Variants in PHF11 observed in about 807,000 individuals in gnomAD.
PHF11 encodes the protein BRCA1 C-terminus-associated protein.
A neutral mutation model predicts 40.5 loss-of-function variants in PHF11; 38 were observed. The observed-to-expected ratio is 0.94, with a 90% confidence interval of 0.72 to 1.23. The LOEUF is 1.23. Ranked by LOEUF, PHF11 falls within the 50% of genes most tolerant of loss-of-function variation. The pLI, the probability that PHF11 is intolerant of heterozygous loss-of-function variation, is 0.00. For synonymous variants in PHF11, 127 were observed against 138.2 expected (o/e 0.92, Z 0.57); for missense variants, 369 against 392.4 (o/e 0.94, Z 0.50).
At chr13:49,501,401 G>A (rs1958906338) in intron 1 of PHF11, among the ~76,000 whole-genome samples, 1 of 152,120 alleles carries the variant, frequency 6.6e-6, no homozygotes, top group African/African-American at 2.4e-5. Context: ...TATCAAAGTA[G>A]ATTTTGGGTC....
chr13:49,511,397 G>T (rs1222587602), intron 2 of PHF11, among the ~76,000 whole-genome samples: 1 of 145,714 alleles, frequency 6.9e-6, no homozygotes, highest in Non-Finnish European at 1.5e-5. Context: ...CGCGATCTCG[G>T]CTCACTGCAC....
At chr13:49,526,611 C>G (rs1458065100) in intron 9 of PHF11, among the ~76,000 whole-genome samples, 153 bp downstream of exon 9, 2 of 132,040 alleles carry the variant, frequency 1.5e-5, no homozygotes, top group Admixed American at 8.1e-5. Flanking sequence ...CAGTATGACC[C>G]CGCCCACCTG....
intron 3 of PHF11, 135 bp from the exon 4 acceptor site, chr13:49,517,883 G>A: frequency 8.6e-6 from 5 of 581,180 alleles, no homozygotes; most frequent in South Asian, 7.6e-5. Context: ...TGTTTGTAAC[G>A]GGATGGAATC....
At chr13:49,515,016 C>A (rs1490922859) in intron 3 of PHF11, among the ~76,000 whole-genome samples, 1 of 152,050 alleles carries the variant, frequency 6.6e-6, no homozygotes, top group Non-Finnish European at 1.5e-5. Flanking sequence ...ATTCTAGTAG[C>A]CATCCAGTTA....
intron 1 of PHF11, among the ~76,000 whole-genome samples, chr13:49,498,655 C>T (rs976598703): frequency 3.0e-4 from 45 of 152,278 alleles, no homozygotes; most frequent in African/African-American, 1.1e-3. Flanking sequence ...TAACGTAATA[C>T]ATTTCAGATA....
intron 2 of PHF11, 37 bp downstream of exon 2, chr13:49,506,793 T>C (rs1566188487): frequency 1.3e-6 from 2 of 1,517,422 alleles, no homozygotes; most frequent in African/African-American, 1.4e-5. Flanking sequence ...AGTACATGAG[T>C]ACTTTTAGTG....
intron 4 of PHF11, among the ~76,000 whole-genome samples, chr13:49,519,886 G>A (rs11840098): frequency 0.018 from 2,766 of 152,286 alleles, 92 homozygotes; most frequent in African/African-American, 0.063. Flanking sequence ...GGTGGGAACT[G>A]GTATAAGATG....
intron 2 of PHF11, among the ~76,000 whole-genome samples, chr13:49,512,620 TA>T (rs1438847394): frequency 6.6e-6 from 1 of 152,206 alleles, no homozygotes; most frequent in Non-Finnish European, 1.5e-5. Flanking sequence ...TCATGTTTCC[TA>T]AAGGCAGGCA....
chr13:49,522,759 G>A (rs7324934), intron 6 of PHF11, among the ~76,000 whole-genome samples: 2 of 31,764 alleles, frequency 6.3e-5, no homozygotes, highest in East Asian at 3.4e-3. Flanking sequence ...TGAATATGGG[G>A]TTTTTTTGTT....
Position 49,523,985 on chromosome 13 carries a change from G to T in PHF11, c.638-100G>T, listed in dbSNP as rs1239878245. The T allele has an allele frequency of 8.5e-6, 7 of 821,972 alleles. No homozygotes were observed. In the East Asian group the frequency reaches 1.8e-4, roughly 22 times the overall value. The allele number at this position is 821,972 out of a possible 1,614,324, so 50.9% of individuals were successfully genotyped here. On this transcript the variant is annotated intron_variant, in intron 7 of 9. Transcript: ENST00000378319. ...TGCTGTATTATTTTACTAAGTATGT[G>T]CATCCACCACTAGGCAAGGTCTGAA...
Position 49,496,087 on chromosome 13 carries a change from T to C in PHF11, c.86T>C (p.Leu29Pro). Residue 29 changes from leucine (L) to proline (P), a missense_variant, in exon 1 of 10, where the codon CTT becomes CCT. Coordinates refer to ENST00000378319, the MANE Select transcript of PHF11 (RefSeq NM_001040443.3). ...CGGCCCGCGCAGGAGGCGCTCCTCC[T>C]TCCCACCGGTGTGTACCGCGGGGGC... is the stretch of plus-strand genomic sequence containing the variant. The part of the protein sequence containing the change: ...EARPAQEALL[L>P]PTGVFQVAEK... The C allele has an allele frequency of 3.5e-6, 4 of 1,151,676 alleles. No homozygotes were observed. Among genetic ancestry groups the C allele is most frequent in the Non-Finnish European group, 3.4e-6 (3 of 873,384 alleles). The allele number at this position is 1,151,676 out of a possible 1,614,324, so 71.3% of individuals were successfully genotyped here. A position where few individuals can be genotyped will look rare whatever the true frequency, so the allele number is the denominator to read the frequency against.
intron 2 of PHF11, 77 bp downstream of exon 2, chr13:49,506,833 TTTG>T (rs1467397504): frequency 7.8e-5 from 75 of 956,926 alleles, no homozygotes; most frequent in Non-Finnish European, 1.1e-4. Flanking sequence ...TAAACAACAC[TTTG>T]GACACAAAGA....
chr13:49,523,781 A>G lies in PHF11; in HGVS notation c.638-304A>G, dbSNP rs1446617973. 3 of 219,032 alleles carry G rather than the reference A, an allele frequency of 1.4e-5. No homozygotes were observed. In the East Asian group the frequency reaches 3.9e-4, roughly 29 times the overall value. 13.6% of individuals were successfully genotyped at this position (219,032 alleles called of 1,614,324 possible). A position where few individuals can be genotyped will look rare whatever the true frequency, so the allele number is the denominator to read the frequency against. ...TGTAACCTGAAACCACCTGTTCCCC[A>G]AAAGGTATTGAAATTTAAAAAGTTA... On this transcript the variant is annotated intron_variant, in intron 7 of 9. Coordinates refer to ENST00000378319, the MANE Select transcript of PHF11 (RefSeq NM_001040443.3).
At chr13:49,518,940 A>G (rs1298525333) in intron 4 of PHF11, 2 of 145,924 alleles carry the variant, frequency 1.4e-5, no homozygotes, top group Non-Finnish European at 3.0e-5. Flanking sequence ...GGTTCACGCC[A>G]TTCTCCTGCC....
chr13:49,505,384 A>T (rs1323324546), intron 1 of PHF11, among the ~76,000 whole-genome samples: 1 of 152,148 alleles, frequency 6.6e-6, no homozygotes, highest in Admixed American at 6.5e-5. Flanking sequence ...CAGCCTTCTG[A>T]CTTGGTGAAA....
chr13:49,521,049 G>A (rs2139070255), intron 5 of PHF11, 109 bp downstream of exon 5: 2 of 1,409,572 alleles, frequency 1.4e-6, no homozygotes, highest in East Asian at 5.0e-5. Context: ...ACAAATGTTT[G>A]AGTTAAAATT....
At chr13:49,504,592 G>A (rs1256767755) in intron 1 of PHF11, among the ~76,000 whole-genome samples, 2 of 109,672 alleles carry the variant, frequency 1.8e-5, no homozygotes, top group Non-Finnish European at 3.4e-5. Flanking sequence ...GGAGGGAGGT[G>A]GGGGGTCAGC....
At chr13:49,514,025 T>A (rs1216973150) in intron 3 of PHF11, among the ~76,000 whole-genome samples, 1 of 152,184 alleles carries the variant, frequency 6.6e-6, no homozygotes, top group Non-Finnish European at 1.5e-5. Flanking sequence ...CACCAACTGC[T>A]GGGGGTGGCC....
At chr13:49,523,083 G>A in intron 6 of PHF11, 92 bp from the exon 7 acceptor site, 1 of 883,272 alleles carries the variant, frequency 1.1e-6, no homozygotes. Context: ...TTTTACTGTA[G>A]GCATATCATT....
Sources: gnomAD v4.1 joint callset for allele counts (sites outside exome capture counted in the v4.1 genomes callset) on GRCh38, gnomAD v4.1.1 for gene constraint, MANE v1.5 for transcripts, NCBI Gene and HGNC (gene_info 2026-07-23, HGNC 2026-07-21) for gene names.